USP32: variants seen among roughly 807,000 people sequenced by gnomAD.
USP32 encodes ubiquitin specific peptidase 32.
USP32 carries 59 observed loss-of-function variants against 204.8 expected under a neutral mutation model. The observed-to-expected ratio is 0.29, with a 90% CI of 0.23 to 0.36. The LOEUF (loss-of-function observed/expected upper bound fraction) is 0.36, where lower values mean the gene tolerates loss of function less well. USP32 is among the 10% of genes least tolerant of loss of function. USP32 has a pLI of 1.00. For synonymous variants in USP32, 517 were observed against 678.4 expected, an observed-to-expected ratio of 0.76 and a Z score of 3.70; for missense variants, 1,160 against 1,946.4, an observed-to-expected ratio of 0.60 and a Z score of 7.60.
chr17:60,229,844 C>T (rs927467117), intron 12 of USP32, among the ~76,000 whole-genome samples: 5 of 151,928 alleles, frequency 3.3e-5, no homozygotes, highest in East Asian at 1.9e-4. Context: ...GACAGAGTCT[C>T]GCTTTGTTGC....
intron 12 of USP32, among the ~76,000 whole-genome samples, chr17:60,227,278 T>C (rs2085419843): frequency 1.4e-5 from 2 of 147,060 alleles, no homozygotes; most frequent in Non-Finnish European, 3.0e-5. Context: ...TTTCTTTTTT[T>C]TTTTTTTTTG....
Position 60,411,238 on chromosome 17 carries a change from C to T in USP32, c.106+11008G>A, listed in dbSNP as rs1002853605. 1.3e-4 allele frequency among the ~76,000 whole-genome samples: 20 copies of T among 151,914 alleles called. No homozygotes were observed. The South Asian group carries it at 2.1e-3, about 16-fold the overall frequency. On this transcript the variant is annotated intron_variant, in intron 1 of 3. Transcript: ENST00000588898. The stretch of plus-strand genomic sequence containing the variant: ...TATTTGGGGGCTGAGGCAGGAGAAT[C>T]GCTTGAACCCAGGAGGTGGAGGTTG...
chr17:60,220,417 T>C (rs1398210867), intron 15 of USP32, among the ~76,000 whole-genome samples: 1 of 152,242 alleles, frequency 6.6e-6, no homozygotes, highest in African/African-American at 2.4e-5. Context: ...TACTACGTTC[T>C]ACTTGCGTAA....
chr17:60,208,129 T>C lies in USP32; in HGVS notation c.2855A>G (p.Gln952Arg). The part of the protein sequence containing the change: ...MDEKYTGLKK[Q>R]LSDLCGLNSE... ...ATTAAGTCCACAGAGATCACTCAGC[T>C]GTTTTTTTAAACCTGTGTACTTTTC... The change falls in exon 24 of 34, where the codon CAG (glutamine) becomes CGG (arginine). Residue 952 changes from glutamine to arginine, a missense_variant. By Grantham distance (43) the Gln-to-Arg change is conservative. Around this residue, in one of 8 missense-constraint regions of USP32, gnomAD observed 132 missense variants for 432.8 expected, o/e 0.30. Transcript: ENST00000300896. 1 of 1,606,084 alleles carries C rather than the reference T, an allele frequency of 6.2e-7. No homozygotes were observed. The highest frequency in any genetic ancestry group is 8.5e-7 in the Non-Finnish European group (1 of 1,174,682).
At chr17:60,268,863 G>T (rs1325027640) in intron 7 of USP32, among the ~76,000 whole-genome samples, 2 of 152,228 alleles carry the variant, frequency 1.3e-5, no homozygotes, top group African/African-American at 4.8e-5. Flanking sequence ...GAAAGACGTG[G>T]AGATAATGAC....
intron 5 of USP32, among the ~76,000 whole-genome samples, chr17:60,273,757 G>C (rs1308394551): frequency 6.6e-6 from 1 of 151,996 alleles, no homozygotes; most frequent in East Asian, 1.9e-4. Context: ...TCAGGAGTTC[G>C]AGACCAGCCT....
At position 60,345,526 on chromosome 17, in the gene USP32, G is replaced by A. The variant is rs1304937158; in HGVS notation, c.141C>T (p.Phe47=). Residue 47 remains phenylalanine, a synonymous_variant, in exon 2 of 34, where the codon TTC becomes TTT. Transcript: ENST00000300896. ...CTCCATCCCCAAGCACTTCCCGGAT[G>A]AAGCAGTGCTGGCCCATGTAATATG... ...GLSYYMGQHC[F]IREVLGDGVP... is the part of the protein sequence containing the mutation. The A allele has an allele frequency of 6.2e-7, 1 of 1,614,104 alleles. No individual in the cohort carries two copies. Among genetic ancestry groups the A allele is most frequent in the Non-Finnish European group, 8.5e-7 (1 of 1,180,040 alleles).
chr17:60,276,966 T>TATATATATATATATATATAA (rs60544670), intron 5 of USP32, among the ~76,000 whole-genome samples: 37 of 149,886 alleles, frequency 2.5e-4, no homozygotes, highest in African/African-American at 9.2e-4. Context: ...TATATATATA[T>TATATATATATATATATATAA]AAAATTACCA....
intron 1 of USP32, among the ~76,000 whole-genome samples, chr17:60,388,559 G>A (rs905841216): frequency 1.3e-5 from 2 of 152,166 alleles, no homozygotes; most frequent in African/African-American, 4.8e-5. Context: ...GAAATAAAGA[G>A]ATGAAGAATG....
chr17:60,210,341 T>C (rs1186092238), intron 21 of USP32, among the ~76,000 whole-genome samples: 4 of 152,032 alleles, frequency 2.6e-5, no homozygotes, highest in Non-Finnish European at 5.9e-5. Flanking sequence ...AGACAGAGTC[T>C]TACTCTGTTG....
chr17:60,288,970 A>T (rs1215121716), intron 4 of USP32, among the ~76,000 whole-genome samples: 1 of 152,208 alleles, frequency 6.6e-6, no homozygotes, highest in Non-Finnish European at 1.5e-5. Flanking sequence ...TTGTTTGCTA[A>T]GTATATCCCA....
chr17:60,362,624 T>C (rs2089232535), intron 1 of USP32, among the ~76,000 whole-genome samples: 1 of 152,136 alleles, frequency 6.6e-6, no homozygotes, highest in South Asian at 2.1e-4. Context: ...TATTCATTAG[T>C]TTTTTTCGTT....
chr17:60,412,864 G>C (rs956881756), intron 1 of USP32, among the ~76,000 whole-genome samples: 1 of 152,122 alleles, frequency 6.6e-6, no homozygotes, highest in Non-Finnish European at 1.5e-5. Context: ...AAACCTTCCA[G>C]AAAGAGCCAA....
chr17:60,198,879 T>C (rs1484203271), intron 26 of USP32, among the ~76,000 whole-genome samples: 2 of 152,216 alleles, frequency 1.3e-5, no homozygotes, highest in Non-Finnish European at 2.9e-5. Context: ...TTTGGAAGGC[T>C]GAGGCAAGAG....
At chr17:60,406,806 G>A (rs1046966102) in intron 1 of USP32, among the ~76,000 whole-genome samples, 37 of 152,038 alleles carry the variant, frequency 2.4e-4, no homozygotes, top group African/African-American at 7.7e-4. Context: ...GAGCCACTGC[G>A]CCTGGCCTTT....
intron 29 of USP32, among the ~76,000 whole-genome samples, chr17:60,188,913 C>T (rs560830689): frequency 2.4e-4 from 37 of 152,360 alleles, no homozygotes; most frequent in African/African-American, 7.7e-4. Context: ...CCTTCACTTC[C>T]ATGGTATCCT....
chr17:60,235,451 GAGAT>G (rs778811302), intron 12 of USP32, among the ~76,000 whole-genome samples: 2 of 152,164 alleles, frequency 1.3e-5, no homozygotes, highest in African/African-American at 2.4e-5. Flanking sequence ...AAAGAATGAT[GAGAT>G]AGATAATGTA....
chr17:60,325,360 G>T (rs908381629), intron 2 of USP32, among the ~76,000 whole-genome samples: 12 of 152,174 alleles, frequency 7.9e-5, no homozygotes, highest in Non-Finnish European at 4.4e-5. Context: ...AGAGGTTGCA[G>T]TGAGCCAAGG....
chr17:60,286,747 T>G (rs1012756711), intron 5 of USP32, among the ~76,000 whole-genome samples: 12 of 152,200 alleles, frequency 7.9e-5, no homozygotes, highest in African/African-American at 2.9e-4. Flanking sequence ...TGAGTTGTCA[T>G]TCAGAAGCAC....
Sources: gnomAD v4.1 joint callset for allele counts (sites outside exome capture counted in the v4.1 genomes callset) on GRCh38, gnomAD v4.1.1 for gene constraint, gnomAD v4.1.1 regional missense constraint, MANE v1.5 for transcripts, NCBI Gene and HGNC (gene_info 2026-07-23, HGNC 2026-07-21) for gene names.